The following FAM76B variants were observed in gnomAD, a reference collection of about 807,000 sequenced individuals.
FAM76B encodes protein FAM76B.
In FAM76B, 16 loss-of-function variants were observed where a neutral mutation model predicts 51.8. The ratio of observed to expected loss-of-function variants is 0.31; its 90% CI spans 0.21 to 0.47. FAM76B has a LOEUF of 0.47. FAM76B is among the 20% of genes least tolerant of loss of function. The pLI is 1.00. For synonymous variants in FAM76B, 166 were observed against 129.5 expected (o/e 1.28, Z -1.91); for missense variants, 342 against 392.6 (o/e 0.87, Z 1.09).
intron 8 of FAM76B, among the ~76,000 whole-genome samples, chr11:95,776,414 G>A (rs1435822875): frequency 6.6e-6 from 1 of 151,416 alleles, no homozygotes; most frequent in Non-Finnish European, 1.5e-5. Flanking sequence ...TAGCTTATGC[G>A]TAAAATAATC....
At chr11:95,781,125 T>A (rs1244263695) in intron 5 of FAM76B, among the ~76,000 whole-genome samples, 1 of 151,510 alleles carries the variant, frequency 6.6e-6, no homozygotes, top group East Asian at 1.9e-4. Context: ...TAACAAGCCA[T>A]ACATGAACTA....
chr11:95,769,151 T>C lies in FAM76B; in HGVS notation c.*2410A>G, dbSNP rs1859664086. 6.6e-6 allele frequency: 1 copy of C among 152,326 alleles called. No homozygotes were observed. Among genetic ancestry groups the C allele is most frequent in the South Asian group, 2.1e-4 (1 of 4,830 alleles). 9.4% of individuals were successfully genotyped at this position (152,326 alleles called of 1,614,324 possible). ...CACAGGCTATTAATACATAAATAAC[T>C]TGAGTCAAAATGACCCTTACTGGTA... is the stretch of plus-strand genomic sequence containing the variant. On this transcript the variant is annotated 3_prime_UTR_variant, in exon 10 of 10. Transcript: ENST00000358780.
intron 9 of FAM76B, among the ~76,000 whole-genome samples, chr11:95,771,960 G>C (rs564222572): frequency 6.6e-6 from 1 of 151,122 alleles, no homozygotes; most frequent in South Asian, 2.1e-4. Flanking sequence ...AATTTTAATA[G>C]GGAAAAGGTG....
At chr11:95,779,130 A>G in intron 7 of FAM76B, 173 bp from the exon 8 acceptor site, 1 of 1,580,916 alleles carries the variant, frequency 6.3e-7, no homozygotes, top group Non-Finnish European at 8.6e-7. Context: ...CACACATTAC[A>G]TACACCTGCA....
chr11:95,777,861 G>A (rs1483015396), intron 8 of FAM76B, among the ~76,000 whole-genome samples: 1 of 151,388 alleles, frequency 6.6e-6, no homozygotes, highest in Non-Finnish European at 1.5e-5. Context: ...AATGATTTTA[G>A]TGTTCTCCTA....
intron 9 of FAM76B, among the ~76,000 whole-genome samples, chr11:95,774,733 G>A (rs1043737228): frequency 6.6e-6 from 1 of 151,218 alleles, no homozygotes; most frequent in East Asian, 1.9e-4. Flanking sequence ...TATGATACGG[G>A]CAATCTCTCA....
chr11:95,788,344 C>T (rs1860718980), intron 2 of FAM76B, among the ~76,000 whole-genome samples, 155 bp downstream of exon 2: 1 of 152,158 alleles, frequency 6.6e-6, no homozygotes, highest in Non-Finnish European at 1.5e-5. Context: ...GCAACATTCT[C>T]TCTCCCACCA....
intron 3 of FAM76B, among the ~76,000 whole-genome samples, chr11:95,787,323 T>G (rs1860655600): frequency 6.6e-6 from 1 of 151,958 alleles, no homozygotes; most frequent in Middle Eastern, 3.2e-3. Flanking sequence ...AAACTCCGCC[T>G]CCTGAGTTCA....
At chr11:95,786,087 C>A in intron 4 of FAM76B, 32 bp downstream of exon 4, 1 of 1,574,780 alleles carries the variant, frequency 6.4e-7, no homozygotes, top group Non-Finnish European at 8.6e-7. Context: ...TATTTAATTT[C>A]CAGAAGATGT....
At chr11:95,783,424 C>G (rs1860383963) in intron 4 of FAM76B, among the ~76,000 whole-genome samples, 160 bp from the exon 5 acceptor site, 1 of 152,140 alleles carries the variant, frequency 6.6e-6, no homozygotes, top group Admixed American at 6.5e-5. Context: ...AGAAATAAAA[C>G]TGGACTTTTC....
At chr11:95,780,856 C>T (rs1860229256) in intron 5 of FAM76B, among the ~76,000 whole-genome samples, 1 of 151,862 alleles carries the variant, frequency 6.6e-6, no homozygotes, top group South Asian at 2.1e-4. Flanking sequence ...ACAGTGCTAG[C>T]ATATACAAAA....
intron 8 of FAM76B, among the ~76,000 whole-genome samples, chr11:95,778,109 AT>A (rs1217170420): frequency 2.0e-5 from 3 of 151,534 alleles, no homozygotes; most frequent in Admixed American, 2.0e-4. Context: ...CACACAGAAA[AT>A]GTTAGAACTA....
intron 5 of FAM76B, among the ~76,000 whole-genome samples, chr11:95,780,782 T>G (rs575948291): frequency 3.3e-5 from 5 of 152,000 alleles, no homozygotes; most frequent in Non-Finnish European, 7.4e-5. Flanking sequence ...AGTTCCCTCA[T>G]ATGTAATACA....
chr11:95,787,367 G>A (rs1860658338), intron 3 of FAM76B, among the ~76,000 whole-genome samples: 2 of 151,916 alleles, frequency 1.3e-5, no homozygotes, highest in African/African-American at 4.8e-5. Context: ...TGGAGTAGCT[G>A]GGACTACAGG....
intron 9 of FAM76B, among the ~76,000 whole-genome samples, chr11:95,775,100 T>C (rs575427341): frequency 6.6e-6 from 1 of 151,514 alleles, no homozygotes; most frequent in Admixed American, 6.6e-5. Flanking sequence ...CATCTTCCAT[T>C]AACATTTAAA....
At chr11:95,789,080 C>A (rs1860802519) in intron 1 of FAM76B, 1 of 1,408,312 alleles carries the variant, frequency 7.1e-7, no homozygotes, top group Non-Finnish European at 9.3e-7. Context: ...AACATCTCCA[C>A]CCCTGGGTCT....
chr11:95,771,021 C>CA lies in FAM76B; in HGVS notation c.*539dup, dbSNP rs957868366. 6 of 151,684 alleles carry CA rather than the reference C, an allele frequency of 4.0e-5. No homozygotes were observed. The highest frequency in any genetic ancestry group is 1.5e-4 in the African/African-American group (6 of 41,322). 9.4% of individuals were successfully genotyped at this position (151,684 alleles called of 1,614,324 possible). A position where few individuals can be genotyped will look rare whatever the true frequency, so the allele number is the denominator to read the frequency against. On this transcript the variant is annotated 3_prime_UTR_variant, in exon 10 of 10. Coordinates refer to ENST00000358780, the MANE Select transcript of FAM76B (RefSeq NM_144664.5). ...ATGTTAATGATGTAACTTTAAAAAA[C>CA]AAATTTACATATATCTGAAGTTCAT...
At chr11:95,774,598 G>C (rs986041667) in intron 9 of FAM76B, among the ~76,000 whole-genome samples, 2 of 151,352 alleles carry the variant, frequency 1.3e-5, no homozygotes, top group African/African-American at 4.8e-5. Flanking sequence ...ATCACCAGGT[G>C]GAAGATTTTG....
At chr11:95,779,563 C>A in intron 7 of FAM76B, 44 bp downstream of exon 7, 1 of 1,517,566 alleles carries the variant, frequency 6.6e-7, no homozygotes, top group Non-Finnish European at 9.0e-7. Flanking sequence ...CATAACTATT[C>A]AACTAAGTTG....
Sources: allele counts gnomAD v4.1 joint callset (sites outside exome capture counted in the v4.1 genomes callset), GRCh38; gene constraint gnomAD v4.1.1; transcripts MANE v1.5; gene names NCBI Gene and HGNC (gene_info 2026-07-23, HGNC 2026-07-21).